The following RBPMS2 variants were observed in gnomAD, a reference collection of about 807,000 sequenced individuals.
The protein encoded by RBPMS2 is RNA binding protein, mRNA processing factor 2, also known as RNA-binding protein with multiple splicing 2.
Under a neutral mutation model 25.7 loss-of-function variants are expected in RBPMS2, and 14 were observed. That is an observed-to-expected ratio of 0.55 (90% confidence interval 0.36 to 0.85). The LOEUF is 0.85. Ranked by LOEUF, RBPMS2 falls within the 40% of genes least tolerant of loss-of-function variation. RBPMS2 has a pLI of 0.01. For missense variants in RBPMS2, 252 were observed against 283.4 expected, an observed-to-expected ratio of 0.89 and a Z score of 0.80; for synonymous variants, 127 against 115.6, an observed-to-expected ratio of 1.10 and a Z score of -0.63.
intron 6 of RBPMS2, among the ~76,000 whole-genome samples, chr15:64,745,419 T>C (rs2083609477): frequency 6.6e-6 from 1 of 152,124 alleles, no homozygotes; most frequent in Non-Finnish European, 1.5e-5. Context: ...CCCTATGAAG[T>C]AGATGCTATT....
intron 1 of RBPMS2, among the ~76,000 whole-genome samples, chr15:64,754,377 C>T (rs1191215918): frequency 6.6e-6 from 1 of 151,578 alleles, no homozygotes; most frequent in African/African-American, 2.4e-5. Context: ...TTTGAGAGGC[C>T]GAGGTGGGTG....
intron 3 of RBPMS2, 86 bp from the exon 4 acceptor site, chr15:64,749,579 CTA>C: frequency 8.1e-7 from 1 of 1,231,122 alleles, no homozygotes; most frequent in Non-Finnish European, 1.2e-6. Flanking sequence ...AGAGTATCAT[CTA>C]TGTGGAAACA....
intron 6 of RBPMS2, among the ~76,000 whole-genome samples, chr15:64,744,570 A>AAG (rs1555430159): frequency 7.4e-6 from 1 of 135,510 alleles, no homozygotes; most frequent in Non-Finnish European, 1.6e-5. Flanking sequence ...AAAAAAAAAA[A>AAG]AAAGAAAGAA....
At position 64,744,810 on chromosome 15, in the gene RBPMS2, T is replaced by G. The variant is rs1217806803; in HGVS notation, c.568-3568A>C. The stretch of plus-strand genomic sequence containing the variant: ...TTTGGTTTGTTTTGTTTTTTTTTTT[T>G]TTTTTTTTTTTTTTTTTTTTTTGAG... On this transcript the variant is annotated intron_variant, in intron 6 of 7. Transcript: ENST00000300069. Among the ~76,000 whole-genome samples the G allele has an allele frequency of 4.9e-3, 517 of 105,740 alleles. 20 individuals carry two copies. The highest frequency in any genetic ancestry group is 0.018 in the African/African-American group (451 of 25,666). 69.4% of individuals were successfully genotyped at this position (105,740 alleles called of 152,430 possible).
chr15:64,756,970 A>ATTTTT (rs567804797), intron 1 of RBPMS2, among the ~76,000 whole-genome samples: 3 of 98,952 alleles, frequency 3.0e-5, no homozygotes, highest in African/African-American at 1.2e-4. Flanking sequence ...GCCCGGCCTC[A>ATTTTT]TTTTTTTTTT....
chr15:64,771,311 A>C (rs2141080645), intron 1 of RBPMS2, among the ~76,000 whole-genome samples: 1 of 152,334 alleles, frequency 6.6e-6, no homozygotes, highest in African/African-American at 2.4e-5. Context: ...TCGATATCTG[A>C]GGCGGATTGG....
intron 1 of RBPMS2, among the ~76,000 whole-genome samples, chr15:64,752,798 G>C (rs758655491): frequency 6.6e-5 from 10 of 152,104 alleles, no homozygotes; most frequent in Admixed American, 1.3e-4. Context: ...TTTTAGTAGA[G>C]ATGGGGTTTC....
chr15:64,741,078 A>G (rs907138623), intron 7 of RBPMS2, 78 bp from the exon 8 acceptor site: 2 of 948,908 alleles, frequency 2.1e-6, no homozygotes. Context: ...GGGCTCGGCT[A>G]AGCTCTTGAG....
At chr15:64,764,291 G>C (rs2083821234) in intron 1 of RBPMS2, among the ~76,000 whole-genome samples, 2 of 152,124 alleles carry the variant, frequency 1.3e-5, no homozygotes, top group Admixed American at 1.3e-4. Flanking sequence ...CCTACAGAAG[G>C]GACTAGATTC....
chr15:64,775,353 A>G lies in RBPMS2; in HGVS notation c.-34T>C. 31 of 1,186,710 alleles carry G rather than the reference A, an allele frequency of 2.6e-5. No individual in the cohort carries two copies. The highest frequency in any genetic ancestry group is 3.3e-5 in the Non-Finnish European group (31 of 946,714). 73.5% of individuals were successfully genotyped at this position (1,186,710 alleles called of 1,614,324 possible). On this transcript the variant is annotated 5_prime_UTR_variant, in exon 1 of 8. Coordinates refer to ENST00000300069, the MANE Select transcript of RBPMS2 (RefSeq NM_194272.3). ...GGAGGGGGCGGCGGGAAGGAACGCG[A>G]GGGCGAGCGCGGCGCCGGCCCCGCG... is the stretch of plus-strand genomic sequence containing the variant.
At chr15:64,764,747 C>A (rs1008432364) in intron 1 of RBPMS2, among the ~76,000 whole-genome samples, 4 of 150,334 alleles carry the variant, frequency 2.7e-5, no homozygotes, top group African/African-American at 9.8e-5. Flanking sequence ...AACCCTGTCT[C>A]TACTAAAAAA....
At chr15:64,753,949 C>T (rs1373601245) in intron 1 of RBPMS2, among the ~76,000 whole-genome samples, 1 of 152,086 alleles carries the variant, frequency 6.6e-6, no homozygotes, top group East Asian at 1.9e-4. Flanking sequence ...CGTGTGAATC[C>T]CCAAGCAGAA....
chr15:64,748,917 A>G lies in RBPMS2; in HGVS notation c.418+83T>C, dbSNP rs2083646105. On this transcript the variant is annotated intron_variant, in intron 5 of 7. Transcript: ENST00000300069. ...CCGTGGACACAAAAAGCCTCCTGGA[A>G]AAGGGGCTTCCCTCTGCAAGAGCCT... 24 of 1,496,398 alleles carry G rather than the reference A, an allele frequency of 1.6e-5. No individual in the cohort carries two copies. In the South Asian group the frequency reaches 2.6e-4, roughly 16 times the overall value. The allele number at this position is 1,496,398 out of a possible 1,614,324, so 92.7% of individuals were successfully genotyped here. A position where few individuals can be genotyped will look rare whatever the true frequency, so the allele number is the denominator to read the frequency against.
At chr15:64,756,516 C>CAA (rs771497391) in intron 1 of RBPMS2, among the ~76,000 whole-genome samples, 5,980 of 121,998 alleles carry the variant, frequency 0.049, 401 homozygotes, top group African/African-American at 0.17. Flanking sequence ...GACCCTGTCT[C>CAA]AAAAAAAAAA....
At chr15:64,766,324 T>A (rs1015299642) in intron 1 of RBPMS2, among the ~76,000 whole-genome samples, 4 of 152,064 alleles carry the variant, frequency 2.6e-5, no homozygotes, top group Admixed American at 2.6e-4. Flanking sequence ...CAGCCACCAG[T>A]GCACTCTTCA....
intron 1 of RBPMS2, among the ~76,000 whole-genome samples, chr15:64,760,063 A>G (rs1175296790): frequency 6.6e-6 from 1 of 152,246 alleles, no homozygotes; most frequent in African/African-American, 2.4e-5. Context: ...TGCTGCCACA[A>G]AAGGCCAGTG....
chr15:64,750,666 C>CT (rs2141060522), intron 2 of RBPMS2, among the ~76,000 whole-genome samples: 1 of 152,342 alleles, frequency 6.6e-6, no homozygotes, highest in East Asian at 1.9e-4. Flanking sequence ...CAGACCTTAC[C>CT]TTTTAAGTTT....
chr15:64,742,259 G>A (rs2083569761), intron 6 of RBPMS2, among the ~76,000 whole-genome samples: 1 of 152,244 alleles, frequency 6.6e-6, no homozygotes, highest in African/African-American at 2.4e-5. Context: ...ATTCTTCTGA[G>A]AAGCCATGGA....
At chr15:64,764,612 C>T (rs1308970730) in intron 1 of RBPMS2, among the ~76,000 whole-genome samples, 2 of 152,144 alleles carry the variant, frequency 1.3e-5, no homozygotes, top group South Asian at 2.1e-4. Context: ...TATATGGCCA[C>T]GACTGTACAG....
Sources: gnomAD v4.1 joint callset for allele counts (sites outside exome capture counted in the v4.1 genomes callset) on GRCh38, gnomAD v4.1.1 for gene constraint, MANE v1.5 for transcripts, NCBI Gene and HGNC (gene_info 2026-07-23, HGNC 2026-07-21) for gene names.